The following TULP4 variants were observed in gnomAD, a reference collection of about 807,000 sequenced individuals.
The protein encoded by TULP4 is TUB like protein 4, also known as tubby-related protein 4.
Under a neutral mutation model 129.0 loss-of-function variants are expected in TULP4, and 16 were observed. The observed-to-expected ratio is 0.12, with a 90% CI of 0.08 to 0.19. The LOEUF is 0.19. Ranked by LOEUF, TULP4 falls within the 10% of genes least tolerant of loss-of-function variation. The pLI is 1.00. For synonymous variants in TULP4, 998 were observed against 854.0 expected (o/e 1.17, Z -2.94); for missense variants, 1,842 against 2,059.1 (o/e 0.89, Z 2.04).
chr6:158,360,009 G>T (rs548989488), intron 1 of TULP4, among the ~76,000 whole-genome samples: 1 of 151,964 alleles, frequency 6.6e-6, no homozygotes, highest in South Asian at 2.1e-4. Context: ...TGAATGTAGG[G>T]CCCATCTGGG....
At chr6:158,344,341 G>A (rs375905567) in intron 1 of TULP4, among the ~76,000 whole-genome samples, 1 of 152,204 alleles carries the variant, frequency 6.6e-6, no homozygotes, top group South Asian at 2.1e-4. Flanking sequence ...TCACACAGAC[G>A]TGTGAGACAG....
intron 8 of TULP4, among the ~76,000 whole-genome samples, chr6:158,485,456 G>C (rs1780043175): frequency 6.6e-6 from 1 of 152,236 alleles, no homozygotes; most frequent in Non-Finnish European, 1.5e-5. Context: ...TTGAACTGTA[G>C]TGGATGGAAA....
rs576972744 is a variant in TULP4 at position 158,260,852 on chromosome 6, C to T, written n.68+28549C>T. On this transcript the variant is annotated intron_variant and non_coding_transcript_variant, in intron 1 of 1. Coordinates refer to the TULP4 transcript ENST00000620026. ...TTTTTTTTTTGAGACAAGAGTTTCG[C>T]TCTTGTTGCCCAGGCTGGAGTGCAA... 5.9e-4 allele frequency among the ~76,000 whole-genome samples: 89 copies of T among 151,088 alleles called. 1 individual carries two copies. In the South Asian group the frequency reaches 0.012, roughly 20 times the overall value.
intron 1 of TULP4, among the ~76,000 whole-genome samples, chr6:158,317,892 A>C (rs1779526489): frequency 6.6e-6 from 1 of 152,074 alleles, no homozygotes; most frequent in Non-Finnish European, 1.5e-5. Context: ...TTTGATTTGC[A>C]TTTCTCTGAT....
rs758087636 is a variant in TULP4 at position 158,503,980 on chromosome 6, C to G, written c.4317C>G (p.Ala1439=). 3.1e-6 allele frequency: 5 copies of G among 1,612,766 alleles called. No individual in the cohort carries two copies. In the East Asian group the frequency reaches 6.7e-5, roughly 22 times the overall value. Residue 1439 remains alanine (A), a synonymous_variant, in exon 13 of 14, where the codon GCC becomes GCG. Coordinates refer to ENST00000367097, the MANE Select transcript of TULP4 (RefSeq NM_020245.5). This position sits in a 1 kb window ranked among gnomAD's most constrained non-coding sequence, Gnocchi z 4.3. ...GWKSKRSPRA[A]GELEEAKCRR... is the part of the protein sequence containing the mutation. ...AAAGCAAGCGCTCCCCACGGGCCGC[C>G]GGCGAGCTGGAGGAGGCCAAGTGCC...
intron 1 of TULP4, among the ~76,000 whole-genome samples, chr6:158,286,605 G>T (rs1256787979): frequency 6.6e-6 from 1 of 152,192 alleles, no homozygotes; most frequent in Non-Finnish European, 1.5e-5. Context: ...TCAGTATGAT[G>T]ATATCACTTA....
At chr6:158,255,266 C>T (rs1009346928) in intron 1 of TULP4, among the ~76,000 whole-genome samples, 2 of 152,056 alleles carry the variant, frequency 1.3e-5, no homozygotes, top group African/African-American at 4.8e-5. Flanking sequence ...AATTGATAAC[C>T]GGCAGACCCT....
chr6:158,506,238 T>C (rs999780872), intron 13 of TULP4, among the ~76,000 whole-genome samples: 17 of 132,348 alleles, frequency 1.3e-4, no homozygotes, highest in African/African-American at 5.1e-4. Flanking sequence ...TTTTTTTTTT[T>C]TTTTTTTTTT....
At chr6:158,342,130 C>T (rs1444124460) in intron 1 of TULP4, among the ~76,000 whole-genome samples, 1 of 152,220 alleles carries the variant, frequency 6.6e-6, no homozygotes, top group Admixed American at 6.5e-5. Context: ...GTTGGCCAGG[C>T]TGGTCTTGAA....
intron 2 of TULP4, among the ~76,000 whole-genome samples, chr6:158,415,137 A>G (rs1272408752): frequency 6.6e-6 from 1 of 152,172 alleles, no homozygotes; most frequent in Non-Finnish European, 1.5e-5. Flanking sequence ...TAAGGTTGTA[A>G]TGGAGCTGAA....
intron 2 of TULP4, among the ~76,000 whole-genome samples, chr6:158,423,633 TTTGTTG>T (rs56085300): frequency 1.3e-4 from 19 of 150,774 alleles, no homozygotes; most frequent in East Asian, 5.9e-4. Context: ...GTTTTTGTTT[TTTGTTG>T]TTGTTGTTGT....
chr6:158,276,775 G>T (rs1337287258), intron 1 of TULP4, among the ~76,000 whole-genome samples: 1 of 152,014 alleles, frequency 6.6e-6, no homozygotes, highest in East Asian at 1.9e-4. Context: ...TATGCAAGCA[G>T]TATATTTACA....
chr6:158,276,141 T>C (rs950192453), intron 1 of TULP4, among the ~76,000 whole-genome samples: 18 of 151,994 alleles, frequency 1.2e-4, no homozygotes, highest in African/African-American at 4.1e-4. Context: ...GGCTAGTTTT[T>C]GTGTTTTTAG....
At chr6:158,259,791 T>G (rs1778317274) in intron 1 of TULP4, among the ~76,000 whole-genome samples, 1 of 152,196 alleles carries the variant, frequency 6.6e-6, no homozygotes, top group Non-Finnish European at 1.5e-5. Flanking sequence ...TTTTGATAAT[T>G]TGCTAAAACA....
chr6:158,374,343 G>A (rs1312503052), intron 1 of TULP4, among the ~76,000 whole-genome samples: 1 of 151,864 alleles, frequency 6.6e-6, no homozygotes, highest in Non-Finnish European at 1.5e-5. Context: ...CCAGGAATTG[G>A]TAGTGTGGAT....
rs2128442442 is a variant in TULP4, at chr6:158,238,376, C to G, written n.68+6073C>G. ...GCAGATATTTTGAGGCATTGTTCGG[C>G]CTGGTTTGTGTACATAGCAAGTAAT... On this transcript the variant is annotated intron_variant and non_coding_transcript_variant, in intron 1 of 1. Transcript: ENST00000620026. 5.8e-6 allele frequency: 4 copies of G among 686,802 alleles called. No individual in the cohort carries two copies. In the South Asian group the frequency reaches 7.2e-5, roughly 12 times the overall value. The allele number at this position is 686,802 out of a possible 1,614,324, so 42.5% of individuals were successfully genotyped here.
At chr6:158,249,980 T>C (rs1778108144) in intron 1 of TULP4, among the ~76,000 whole-genome samples, 2 of 152,182 alleles carry the variant, frequency 1.3e-5, no homozygotes, top group South Asian at 4.1e-4. Flanking sequence ...CTAAAACTGC[T>C]TCTTTTTTTG....
At chr6:158,474,605 C>T (rs1189713762) in intron 6 of TULP4, among the ~76,000 whole-genome samples, 1 of 152,142 alleles carries the variant, frequency 6.6e-6, no homozygotes, top group African/African-American at 2.4e-5. Context: ...CTGGCTCTCG[C>T]TCAACACTGT....
chr6:158,400,731 T>C (rs573766965), intron 1 of TULP4, among the ~76,000 whole-genome samples: 1 of 152,304 alleles, frequency 6.6e-6, no homozygotes, highest in African/African-American at 2.4e-5. Flanking sequence ...CTGCAGTTAG[T>C]TGAGCTAGAT....
Sources: allele counts gnomAD v4.1 joint callset (sites outside exome capture counted in the v4.1 genomes callset), GRCh38; gene constraint gnomAD v4.1.1; non-coding constraint Gnocchi (gnomAD v3.1); transcripts MANE v1.5; gene names NCBI Gene and HGNC (gene_info 2026-07-23, HGNC 2026-07-21).